The following PARD3B variants were observed in gnomAD, a reference collection of about 807,000 sequenced individuals.
PARD3B encodes par-3 family cell polarity regulator beta.
In PARD3B, 103 loss-of-function variants were observed where a neutral mutation model predicts 130.2. That is an observed-to-expected ratio of 0.79 (90% CI 0.67 to 0.93). The LOEUF (loss-of-function observed/expected upper bound fraction) is 0.93, where lower values mean the gene tolerates loss of function less well. Ranked by LOEUF, PARD3B falls within the 40% of genes least tolerant of loss-of-function variation. The probability of loss-of-function intolerance (pLI) is 0.00; values close to 1 mark genes in which losing one functional copy is unlikely to be tolerated. For missense variants in PARD3B, 1,609 were observed against 1,499.2 expected, an observed-to-expected ratio of 1.07 and a Z score of -1.21; for synonymous variants, 583 against 553.2, an observed-to-expected ratio of 1.05 and a Z score of -0.76.
At chr2:204,896,959 A>G (rs2046661454) in intron 2 of PARD3B, among the ~76,000 whole-genome samples, 1 of 152,194 alleles carries the variant, frequency 6.6e-6, no homozygotes, top group South Asian at 2.1e-4. Context: ...TTGCATCTGT[A>G]CAGCAGAGCG....
At chr2:204,852,394 A>T (rs2044743980) in intron 2 of PARD3B, among the ~76,000 whole-genome samples, 1 of 152,296 alleles carries the variant, frequency 6.6e-6, no homozygotes, top group South Asian at 2.1e-4. Context: ...AAATAAAGTT[A>T]ATTTCATAAT....
At chr2:205,151,915 T>C (rs2033786369) in intron 10 of PARD3B, among the ~76,000 whole-genome samples, 1 of 152,234 alleles carries the variant, frequency 6.6e-6, no homozygotes. Context: ...TTCCTTTCCA[T>C]GTTTAGTGCT....
intron 2 of PARD3B, among the ~76,000 whole-genome samples, chr2:204,749,598 A>G (rs1205832186): frequency 1.3e-5 from 2 of 152,174 alleles, no homozygotes; most frequent in African/African-American, 4.8e-5. Context: ...GTCATTGAAA[A>G]ACTTGTTGAC....
rs1299597871 is a variant in PARD3B, at chr2:205,470,316, T to A, written c.3045-29580T>A. ...AGCTTTCACAATTAAATCTTTAATGTCATTATCATTTGTTTCACAACCCTC... is the reference window on the plus strand; with the variant it reads ...AGCTTTCACAATTAAATCTTTAATGACATTATCATTTGTTTCACAACCCTC... On this transcript the variant is annotated intron_variant, in intron 20 of 22. Coordinates refer to ENST00000406610, the MANE Select transcript of PARD3B (RefSeq NM_001302769.2). The surrounding 1 kb of genome is among the most constrained non-coding windows in gnomAD (Gnocchi z 4.8). Among the ~76,000 whole-genome samples, 1 of 152,204 alleles carries A rather than the reference T, an allele frequency of 6.6e-6. No individual in the cohort carries two copies. Among genetic ancestry groups the A allele is most frequent in the Non-Finnish European group, 1.5e-5 (1 of 68,032 alleles).
intron 21 of PARD3B, among the ~76,000 whole-genome samples, chr2:205,538,969 A>T (rs934992465): frequency 6.6e-6 from 1 of 152,162 alleles, no homozygotes; most frequent in Non-Finnish European, 1.5e-5. Flanking sequence ...GCATTTACAG[A>T]TGAGAGAAAT....
intron 19 of PARD3B, among the ~76,000 whole-genome samples, chr2:205,412,352 A>G (rs1324359110): frequency 6.6e-6 from 1 of 152,204 alleles, no homozygotes; most frequent in Non-Finnish European, 1.5e-5. Flanking sequence ...GAGGTCGTGG[A>G]AAAGCCCCCT....
At chr2:204,682,853 A>G (rs903622329) in intron 1 of PARD3B, among the ~76,000 whole-genome samples, 1 of 152,206 alleles carries the variant, frequency 6.6e-6, no homozygotes, top group African/African-American at 2.4e-5. Flanking sequence ...AGGTATTACA[A>G]GTGGAAAATT....
intron 16 of PARD3B, among the ~76,000 whole-genome samples, chr2:205,247,166 CA>C (rs1436503934): frequency 1.3e-5 from 2 of 152,128 alleles, no homozygotes; most frequent in Non-Finnish European, 2.9e-5. Context: ...GAATTTTTAT[CA>C]ATTTGGTTTT....
intron 4 of PARD3B, among the ~76,000 whole-genome samples, chr2:205,077,789 C>G (rs1037709822): frequency 6.6e-6 from 1 of 152,014 alleles, no homozygotes. Flanking sequence ...AGAAATAGCA[C>G]TTATTTAAAA....
intron 5 of PARD3B, among the ~76,000 whole-genome samples, chr2:205,112,430 A>G (rs1288482591): frequency 6.6e-6 from 1 of 152,094 alleles, no homozygotes; most frequent in East Asian, 1.9e-4. Flanking sequence ...GCTGTTCTCA[A>G]CTTTCCAGCA....
chr2:204,687,251 T>C (rs764565693), intron 2 of PARD3B, among the ~76,000 whole-genome samples: 1 of 152,174 alleles, frequency 6.6e-6, no homozygotes, highest in African/African-American at 2.4e-5. Flanking sequence ...CTTACATTAA[T>C]CTTTGCAGAC....
chr2:205,521,969 C>CTGAT (rs1416093607), intron 21 of PARD3B, among the ~76,000 whole-genome samples: 5 of 151,940 alleles, frequency 3.3e-5, no homozygotes, highest in African/African-American at 7.2e-5. Context: ...TTCAGCTTTT[C>CTGAT]TGATAGATAC....
At chr2:204,952,135 C>T (rs982487626) in intron 2 of PARD3B, among the ~76,000 whole-genome samples, 1 of 152,052 alleles carries the variant, frequency 6.6e-6, no homozygotes, top group Non-Finnish European at 1.5e-5. Context: ...AGATTTACCC[C>T]GTGCTAGTAA....
At chr2:205,042,148 G>T (rs1448248789) in intron 3 of PARD3B, among the ~76,000 whole-genome samples, 2 of 152,086 alleles carry the variant, frequency 1.3e-5, no homozygotes, top group Non-Finnish European at 2.9e-5. Flanking sequence ...TCCTCAAACT[G>T]AATTAGACGA....
At chr2:205,498,969 T>G (rs935949171) in intron 20 of PARD3B, among the ~76,000 whole-genome samples, 13 of 152,200 alleles carry the variant, frequency 8.5e-5, no homozygotes, top group Non-Finnish European at 1.9e-4. Flanking sequence ...TATTTGTTTT[T>G]GCAGGTAAGG....
At chr2:205,319,593 T>G (rs534571408) in intron 18 of PARD3B, among the ~76,000 whole-genome samples, 1 of 152,214 alleles carries the variant, frequency 6.6e-6, no homozygotes, top group Non-Finnish European at 1.5e-5. Flanking sequence ...TGTGCTTTTG[T>G]GTGATTTTCC....
intron 19 of PARD3B, among the ~76,000 whole-genome samples, chr2:205,402,484 A>G (rs2046285275): frequency 6.6e-6 from 1 of 152,224 alleles, no homozygotes; most frequent in Admixed American, 6.5e-5. Flanking sequence ...GTTTTCTAGA[A>G]TGCAGACTTT....
chr2:204,639,840 C>A (rs1364038319), intron 1 of PARD3B, among the ~76,000 whole-genome samples: 2 of 152,170 alleles, frequency 1.3e-5, no homozygotes, highest in East Asian at 3.8e-4. Context: ...GAAACCATTA[C>A]TAGAAAGGCT....
At chr2:205,448,503 T>G (rs2047985014) in intron 20 of PARD3B, among the ~76,000 whole-genome samples, 1 of 152,248 alleles carries the variant, frequency 6.6e-6, no homozygotes, top group Non-Finnish European at 1.5e-5. Context: ...TGGGATAGTC[T>G]CTTTATCCAA....
Sources: gnomAD v4.1 joint callset for allele counts (sites outside exome capture counted in the v4.1 genomes callset) on GRCh38, gnomAD v4.1.1 for gene constraint, Gnocchi (gnomAD v3.1) non-coding constraint, MANE v1.5 for transcripts, NCBI Gene and HGNC (gene_info 2026-07-23, HGNC 2026-07-21) for gene names.